The following COL10A1 variants were observed in gnomAD, a reference collection of about 807,000 sequenced individuals.
COL10A1 encodes collagen alpha-1(X) chain.
Under a neutral mutation model 18.2 loss-of-function variants are expected in COL10A1, and 10 were observed. That is an observed-to-expected ratio of 0.55 (90% CI 0.34 to 0.93). The LOEUF is 0.93. Ranked by LOEUF, COL10A1 falls within the 40% of genes least tolerant of loss-of-function variation. COL10A1 has a pLI of 0.02. For synonymous variants in COL10A1, 330 were observed against 316.6 expected, an observed-to-expected ratio of 1.04 and a Z score of -0.45; for missense variants, 897 against 853.5, an observed-to-expected ratio of 1.05 and a Z score of -0.64.
chr6:116,186,158 T>C, the COL10A1 span, among the ~76,000 whole-genome samples: 1 of 151,816 alleles, frequency 6.6e-6, no homozygotes, highest in Non-Finnish European at 1.5e-5. Flanking sequence ...AAAATTCTTA[T>C]ATGATAATTA....
At chr6:116,193,499 C>T in the COL10A1 span, among the ~76,000 whole-genome samples, 1 of 151,968 alleles carries the variant, frequency 6.6e-6, no homozygotes, top group Non-Finnish European at 1.5e-5. Flanking sequence ...CTTTAAGTTA[C>T]TTTGTAAAAT....
intron 2 of COL10A1, among the ~76,000 whole-genome samples, chr6:116,124,221 C>A (rs943869315): frequency 2.6e-5 from 4 of 151,906 alleles, no homozygotes; most frequent in African/African-American, 9.7e-5. Flanking sequence ...AATGGTTGTT[C>A]CCAAAAGCAT....
At chr6:116,180,649 G>A in the COL10A1 span, among the ~76,000 whole-genome samples, 1 of 152,072 alleles carries the variant, frequency 6.6e-6, no homozygotes, top group East Asian at 1.9e-4. Flanking sequence ...AACCCAGATT[G>A]TATTAAACCT....
At chr6:116,133,101 A>T (rs952808833) in intron 1 of COL10A1, among the ~76,000 whole-genome samples, 5 of 152,174 alleles carry the variant, frequency 3.3e-5, no homozygotes, top group East Asian at 1.9e-4. Flanking sequence ...GTTTTCCGTT[A>T]TACACAAATT....
the COL10A1 span, among the ~76,000 whole-genome samples, chr6:116,203,686 T>C: frequency 6.6e-6 from 1 of 152,066 alleles, no homozygotes; most frequent in African/African-American, 2.4e-5. Flanking sequence ...TGAACATCAT[T>C]TACATGTGAT....
chr6:116,151,079 TGAATTTGCTCAGGGATTA>T (rs1012059118), intron 1 of COL10A1, among the ~76,000 whole-genome samples: 70 of 152,340 alleles, frequency 4.6e-4, no homozygotes, highest in African/African-American at 1.4e-3. Context: ...TATTTTTTTG[TGAATTTGCTCAGGGATTA>T]GAATTTGCAG....
chr6:116,203,464 T>A, the COL10A1 span, among the ~76,000 whole-genome samples: 1 of 151,958 alleles, frequency 6.6e-6, no homozygotes, highest in African/African-American at 2.4e-5. Context: ...TATGTAATTA[T>A]GCAGTATGTA....
chr6:116,193,754 T>A, the COL10A1 span, among the ~76,000 whole-genome samples: 1 of 117,128 alleles, frequency 8.5e-6, no homozygotes, highest in Non-Finnish European at 1.8e-5. Context: ...CTTAAACATA[T>A]AATTATACTG....
the COL10A1 span, among the ~76,000 whole-genome samples, chr6:116,169,167 G>A: frequency 6.6e-6 from 1 of 152,024 alleles, no homozygotes; most frequent in African/African-American, 2.4e-5. Flanking sequence ...AGCTTTCTGG[G>A]TTTCTCTTTT....
chr6:116,148,599 A>G (rs1029145665), intron 1 of COL10A1, among the ~76,000 whole-genome samples: 1 of 152,164 alleles, frequency 6.6e-6, no homozygotes, highest in Non-Finnish European at 1.5e-5. Context: ...ACAGTTTATT[A>G]TATGTATTTT....
Position 116,120,836 on chromosome 6 carries a change from G to C in COL10A1, c.1280C>G (p.Ala427Gly), listed in dbSNP as rs770327915. ...PPGLPGPVGP[A>G]GAKGMPGHNG... is the part of the protein sequence containing the mutation. Reference sequence around the variant, plus strand: ...GTGTCCGGGCATTCCCTTTGCTCCTGCTGGGCCCACAGGGCCTGGGAGACC... The same window carrying C: ...GTGTCCGGGCATTCCCTTTGCTCCTCCTGGGCCCACAGGGCCTGGGAGACC... The change falls in exon 3 of 3, where the codon GCA becomes GGA. Residue 427 changes from alanine to glycine, a missense_variant. Transcript: ENST00000651968. 1.2e-6 allele frequency: 2 copies of C among 1,613,962 alleles called. No homozygotes were observed. The highest frequency in any genetic ancestry group is 2.2e-5 in the South Asian group (2 of 91,078).
chr6:116,124,286 T>A (rs1310624948), intron 2 of COL10A1, among the ~76,000 whole-genome samples: 1 of 152,112 alleles, frequency 6.6e-6, no homozygotes, highest in Non-Finnish European at 1.5e-5. Flanking sequence ...ATAAAATATA[T>A]AATTAAAAAA....
At chr6:116,202,199 G>C in the COL10A1 span, among the ~76,000 whole-genome samples, 1 of 151,946 alleles carries the variant, frequency 6.6e-6, no homozygotes, top group East Asian at 1.9e-4. Context: ...TGTGATGCAG[G>C]CTCCCCTACC....
At chr6:116,125,992 A>G (rs1298489882) in intron 1 of COL10A1, 61 bp downstream of exon 1, 1 of 154,762 alleles carries the variant, frequency 6.5e-6, no homozygotes, top group East Asian at 1.9e-4. Flanking sequence ...AAGTATTTAA[A>G]TCTTTAAAGT....
intron 1 of COL10A1, among the ~76,000 whole-genome samples, chr6:116,137,807 C>T (rs142793739): frequency 0.015 from 2,224 of 152,260 alleles, 26 homozygotes; most frequent in Middle Eastern, 0.051. Context: ...CTTGGCCGGA[C>T]GCACTGGCTT....
chr6:116,129,394 T>G (rs1466398879), upstream of COL10A1, among the ~76,000 whole-genome samples: 3 of 152,216 alleles, frequency 2.0e-5, no homozygotes, highest in East Asian at 5.8e-4. Flanking sequence ...ACTTAATTCT[T>G]AATGTAACAG....
Position 116,125,389 on chromosome 6 carries a change from A to G in COL10A1, c.104T>C (p.Leu35Pro). 8 of 1,613,784 alleles carry G rather than the reference A, an allele frequency of 5.0e-6. No individual in the cohort carries two copies. The highest frequency in any genetic ancestry group is 2.2e-5 in the East Asian group (1 of 44,808). ...YQMPTGIKGP[L>P]PNTKTQFFIP... ...GAAGAACTGTGTCTTGGTGTTGGGT[A>G]GTGGGCCTTTTATGCCTGTGGGCAT... Residue 35 changes from leucine (L) to proline (P), a missense_variant, in exon 2 of 3, where the codon CTA becomes CCA. Leu to Pro is a moderately conservative substitution (Grantham distance 98). Transcript: ENST00000651968.
the COL10A1 span, among the ~76,000 whole-genome samples, chr6:116,208,220 C>T: frequency 6.6e-6 from 1 of 151,980 alleles, no homozygotes; most frequent in Admixed American, 6.6e-5. Context: ...AGCATTGCCA[C>T]ATTTCTGAGT....
chr6:116,212,682 T>G, the COL10A1 span, among the ~76,000 whole-genome samples: 1 of 152,112 alleles, frequency 6.6e-6, no homozygotes, highest in Non-Finnish European at 1.5e-5. Context: ...GAGTTGAGAT[T>G]TAATGGGTGG....
Sources: allele counts gnomAD v4.1 joint callset (sites outside exome capture counted in the v4.1 genomes callset), GRCh38; gene constraint gnomAD v4.1.1; transcripts MANE v1.5; gene names NCBI Gene and HGNC (gene_info 2026-07-23, HGNC 2026-07-21).